COL16A1: variants seen among roughly 807,000 people sequenced by gnomAD.
COL16A1 encodes the protein collagen type XVI alpha 1 chain.
COL16A1 carries 189 observed loss-of-function variants against 266.3 expected under a neutral mutation model. That is an observed-to-expected ratio of 0.71 (90% CI 0.63 to 0.80). The LOEUF (loss-of-function observed/expected upper bound fraction) is 0.80, where lower values mean the gene tolerates loss of function less well. Ranked by LOEUF, COL16A1 falls within the 30% of genes least tolerant of loss-of-function variation. The probability of loss-of-function intolerance (pLI) is 0.00; values close to 1 mark genes in which losing one functional copy is unlikely to be tolerated. For synonymous variants in COL16A1, 740 were observed against 782.3 expected (o/e 0.95, Z 0.90); for missense variants, 1,928 against 2,122.4 (o/e 0.91, Z 1.80).
At chr1:31,682,862 T>G in intron 37 of COL16A1, 72 bp downstream of exon 37, 2 of 1,591,774 alleles carry the variant, frequency 1.3e-6, no homozygotes, top group South Asian at 1.1e-5. Context: ...GGGTCAGCCC[T>G]GTGCCCTCTT....
Position 31,656,782 on chromosome 1 carries a change from A to ATTGTTG in COL16A1, c.4056+245_4056+250dup. 2 of 554,742 alleles carry ATTGTTG rather than the reference A, an allele frequency of 3.6e-6. No homozygotes were observed. The highest frequency in any genetic ancestry group is 6.3e-6 in the Non-Finnish European group (2 of 319,914). The allele number at this position is 554,742 out of a possible 1,614,324, so 34.4% of individuals were successfully genotyped here. ...TTTGGAATTTATTATTATCATTATTATTGTTGTTGTTGTTGTTTCTTTTTG... is the reference window on the plus strand; with the variant it reads ...TTTGGAATTTATTATTATCATTATTATTGTTGTTGTTGTTGTTGTTGTTTCTTTTTG... On this transcript the variant is annotated intron_variant, in intron 65 of 70. Transcript: ENST00000373672. This position sits in a 1 kb window ranked among gnomAD's most constrained non-coding sequence, Gnocchi z 4.2.
At position 31,691,199 on chromosome 1, in the gene COL16A1, T is replaced by G. The variant is rs1165413385; in HGVS notation, c.1426A>C (p.Lys476Gln). 1.2e-6 allele frequency: 2 copies of G among 1,613,844 alleles called. No individual in the cohort carries two copies. The highest frequency in any genetic ancestry group is 2.7e-5 in the African/African-American group (2 of 74,922). The stretch of plus-strand genomic sequence containing the variant: ...CCACCTATGCTCACCTTGTCTCCCT[T>G]GGGGCCTGGTGGGCCACCTGGATCC... ...PGDPGGPPGP[K>Q]GDKGSSGIPG... The change falls in exon 20 of 71, where the codon AAG becomes CAG. Residue 476 changes from lysine to glutamine, a missense_variant. Physicochemically the swap from Lys to Gln is moderately conservative, Grantham distance 53. Coordinates refer to ENST00000373672, the MANE Select transcript of COL16A1 (RefSeq NM_001856.4).
rs370663504 is a variant in COL16A1, at chr1:31,653,001, G to A, written c.4613-148C>T. The A allele has an allele frequency of 5.2e-5, 43 of 822,362 alleles. No homozygotes were observed. In the South Asian group the frequency reaches 7.0e-4, roughly 13 times the overall value. 50.9% of individuals were successfully genotyped at this position (822,362 alleles called of 1,614,324 possible). On this transcript the variant is annotated intron_variant, in intron 70 of 70. Transcript: ENST00000373672. ...CATGAAGACCTAGTCTGATCCTCAC[G>A]TTGATTTAACAATAACAATACTGCT...
chr1:31,691,388 C>A, intron 19 of COL16A1, 29 bp downstream of exon 19: 1 of 1,598,136 alleles, frequency 6.3e-7, no homozygotes. Context: ...CTGAGAAAAG[C>A]ACAGCAGGAG....
At chr1:31,679,458 GAGGCTC>G in intron 42 of COL16A1, 168 bp downstream of exon 42, 1 of 1,607,220 alleles carries the variant, frequency 6.2e-7, no homozygotes, top group Middle Eastern at 1.7e-4. Context: ...GCCTGGCCTA[GAGGCTC>G]AGTGGGCCCT....
At position 31,667,479 on chromosome 1, in the gene COL16A1, G is replaced by T. The variant is rs188672927; in HGVS notation, c.3357+96C>A. 8.0e-5 allele frequency: 85 copies of T among 1,062,340 alleles called. No homozygotes were observed. In the Admixed American group the frequency reaches 1.0e-3, roughly 13 times the overall value. 65.8% of individuals were successfully genotyped at this position (1,062,340 alleles called of 1,614,324 possible). A position where few individuals can be genotyped will look rare whatever the true frequency, so the allele number is the denominator to read the frequency against. ...GGGGCAGGGGGGCAGCAGGGGTCAC[G>T]ATCCTCCCCTTCACAGGCTGCTGCC... On this transcript the variant is annotated intron_variant, in intron 52 of 70. Coordinates refer to ENST00000373672, the MANE Select transcript of COL16A1 (RefSeq NM_001856.4).
In COL16A1 at chr1:31,700,201, C is replaced by A; in HGVS notation, c.74-86G>T. 5.6e-6 allele frequency: 7 copies of A among 1,257,630 alleles called. 1 individual carries two copies. Among genetic ancestry groups the A allele is most frequent in the Admixed American group, 1.8e-5 (1 of 56,166 alleles). 77.9% of individuals were successfully genotyped at this position (1,257,630 alleles called of 1,614,324 possible). ...GACGCCTGGGGAACCTGGGAGGGAG[C>A]AAGTTTATAGTCCTCACTCTGGACC... On this transcript the variant is annotated intron_variant, in intron 2 of 70. Transcript: ENST00000373672.
chr1:31,688,353 A>G lies in COL16A1; in HGVS notation c.1803+114T>C. ...ACACTAGTAAATTAATTTCACTGTG[A>G]ATTTACCGTCTGAATCTCTTGTTTA... is the stretch of plus-strand genomic sequence containing the variant. On this transcript the variant is annotated intron_variant, in intron 26 of 70. Transcript: ENST00000373672. The surrounding 1 kb of genome is among the most constrained non-coding windows in gnomAD (Gnocchi z 4.9). 8.3e-7 allele frequency: 1 copy of G among 1,204,258 alleles called. No homozygotes were observed. Among genetic ancestry groups the G allele is most frequent in the Non-Finnish European group, 1.2e-6 (1 of 818,502 alleles). The allele number at this position is 1,204,258 out of a possible 1,614,324, so 74.6% of individuals were successfully genotyped here.
rs752570352 is a variant in COL16A1 at position 31,692,604 on chromosome 1, T to G, written c.1152A>C (p.Gly384=). The G allele has an allele frequency of 1.9e-6, 3 of 1,614,108 alleles. No individual in the cohort carries two copies. Among genetic ancestry groups the G allele is most frequent in the Middle Eastern group, 1.6e-4 (1 of 6,062 alleles). The change falls in exon 15 of 71, where the codon GGA becomes GGC. Residue 384 remains glycine (G), a synonymous_variant. Transcript: ENST00000373672. The part of the protein sequence containing the change: ...EGPKGEKGES[G]ALGPSGLPGS... ...TCCCTGGTCCCACACTCACCAGAGC[T>G]CCTGACTCCCCCTTCTCTCCCTTCG...
chr1:31,654,186 T>G, intron 68 of COL16A1, 143 bp from the exon 69 acceptor site: 2 of 1,267,746 alleles, frequency 1.6e-6, no homozygotes, highest in Non-Finnish European at 1.1e-6. Flanking sequence ...AGTATGGGGG[T>G]GGGTCTCGCA....
At position 31,670,350 on chromosome 1, in the gene COL16A1, G is replaced by A. The variant is rs2148704725; in HGVS notation, c.3195+252C>T. The A allele has an allele frequency of 7.3e-6, 3 of 411,310 alleles. No homozygotes were observed. Among genetic ancestry groups the A allele is most frequent in the East Asian group, 7.3e-5 (2 of 27,516 alleles). The allele number at this position is 411,310 out of a possible 1,614,324, so 25.5% of individuals were successfully genotyped here. ...GAGAAATGGAGAAGGAAGACAGAAC[G>A]GGGTAAGAGAGAGAAGAGGAGAGAA... On this transcript the variant is annotated intron_variant, in intron 49 of 70. Coordinates refer to ENST00000373672, the MANE Select transcript of COL16A1 (RefSeq NM_001856.4). The surrounding 1 kb of genome is among the most constrained non-coding windows in gnomAD (Gnocchi z 4.5).
chr1:31,695,293 C>A, intron 10 of COL16A1, 72 bp from the exon 11 acceptor site: 1 of 1,432,164 alleles, frequency 7.0e-7, no homozygotes, highest in South Asian at 1.2e-5. Flanking sequence ...TCCATCACCA[C>A]CAGGCCCACA....
chr1:31,700,435 G>C (rs1181611397), intron 2 of COL16A1, among the ~76,000 whole-genome samples: 1 of 152,252 alleles, frequency 6.6e-6, no homozygotes, highest in African/African-American at 2.4e-5. Context: ...AGGCCAGCAA[G>C]GGAGAGAATA....
chr1:31,699,732 G>T, intron 4 of COL16A1, 81 bp downstream of exon 4: 1 of 930,616 alleles, frequency 1.1e-6, no homozygotes, highest in Non-Finnish European at 1.7e-6. Context: ...AGGCCCCTGG[G>T]CTTAAGCCCC....
intron 8 of COL16A1, among the ~76,000 whole-genome samples, chr1:31,696,407 C>A (rs372164058): frequency 9.8e-5 from 14 of 143,434 alleles, no homozygotes; most frequent in African/African-American, 3.4e-4. Flanking sequence ...CAAGGCTGGG[C>A]AAGATGCCCG....
At position 31,662,947 on chromosome 1, in the gene COL16A1, T is replaced by C. The variant is rs1641822614; in HGVS notation, c.3556-289A>G. 11 of 525,742 alleles carry C rather than the reference T, an allele frequency of 2.1e-5. No individual in the cohort carries two copies. The South Asian group carries it at 2.5e-4, about 12-fold the overall frequency. The allele number at this position is 525,742 out of a possible 1,614,324, so 32.6% of individuals were successfully genotyped here. On this transcript the variant is annotated intron_variant, in intron 56 of 70. Coordinates refer to ENST00000373672, the MANE Select transcript of COL16A1 (RefSeq NM_001856.4). ...AGGGGCTGGCATGGCAGGGGCTCAGTAGCATGTGCTGAACTGAAAGCACAG... is the reference window on the plus strand; with the variant it reads ...AGGGGCTGGCATGGCAGGGGCTCAGCAGCATGTGCTGAACTGAAAGCACAG...
At position 31,654,505 on chromosome 1, in the gene COL16A1, C is replaced by T. The variant is rs76719259; in HGVS notation, c.4357+287G>A. Among the ~76,000 whole-genome samples the T allele has an allele frequency of 1.4e-4, 22 of 152,324 alleles. No individual in the cohort carries two copies. In the East Asian group the frequency reaches 4.1e-3, roughly 28 times the overall value. On this transcript the variant is annotated intron_variant, in intron 68 of 70. Transcript: ENST00000373672. ...GTGCCGCTCGCCCCTGTATTTAGAG[C>T]TCACTTCAGGCAGACTCGTTTAATA...
chr1:31,702,822 G>C (rs769326746), intron 1 of COL16A1, among the ~76,000 whole-genome samples: 3 of 152,168 alleles, frequency 2.0e-5, no homozygotes, highest in Non-Finnish European at 4.4e-5. Context: ...CATAGGTATA[G>C]TGGGCAGGAG....
In COL16A1 at chr1:31,683,745, C is replaced by T; in HGVS notation, c.2341G>A (p.Glu781Lys). The T allele has an allele frequency of 6.2e-7, 1 of 1,614,140 alleles. No homozygotes were observed. Among genetic ancestry groups the T allele is most frequent in the Non-Finnish European group, 8.5e-7 (1 of 1,179,998 alleles). The change falls in exon 34 of 71, where the codon GAG (glutamate) becomes AAG (lysine). Residue 781 changes from glutamate to lysine, a missense_variant. By Grantham distance (56) the Glu-to-Lys change is moderately conservative (BLOSUM62 1). This residue lies in a region of COL16A1 where 1,552 missense variants were observed against 1,637.2 expected (regional missense o/e 0.95). Transcript: ENST00000373672. ...ACTCCCCTTCCTGGAGGCCCTGGCT[C>T]TCCCTGAAGAGGCAGAAGGACAGTC... ...GPPGLKGVQGEPGPPGRGVQG... is the reference protein window; with the variant it reads ...GPPGLKGVQGKPGPPGRGVQG...
Sources: gnomAD v4.1 joint callset for allele counts (sites outside exome capture counted in the v4.1 genomes callset) on GRCh38, gnomAD v4.1.1 for gene constraint, gnomAD v4.1.1 regional missense constraint, Gnocchi (gnomAD v3.1) non-coding constraint, MANE v1.5 for transcripts, NCBI Gene and HGNC (gene_info 2026-07-23, HGNC 2026-07-21) for gene names.